CUX1: variants seen among roughly 807,000 people sequenced by gnomAD.
The protein encoded by CUX1 is protein CASP.
A neutral mutation model predicts 158.8 loss-of-function variants in CUX1; 31 were observed. The ratio of observed to expected loss-of-function variants is 0.20; its 90% CI spans 0.15 to 0.26. The LOEUF (loss-of-function observed/expected upper bound fraction) is 0.26, where lower values mean the gene tolerates loss of function less well. Ranked by LOEUF, CUX1 falls within the 10% of genes least tolerant of loss-of-function variation. CUX1 has a pLI of 1.00. For missense variants in CUX1, 1,589 were observed against 2,014.6 expected, an observed-to-expected ratio of 0.79 and a Z score of 4.04; for synonymous variants, 879 against 862.1, an observed-to-expected ratio of 1.02 and a Z score of -0.34.
chr7:101,843,703 G>T (rs1795397098), intron 1 of CUX1, among the ~76,000 whole-genome samples: 1 of 152,080 alleles, frequency 6.6e-6, no homozygotes, highest in African/African-American at 2.4e-5. Context: ...CAAGTTAAGT[G>T]ATAGGGACCT....
intron 1 of CUX1, among the ~76,000 whole-genome samples, chr7:101,910,510 C>T (rs1281791611): frequency 6.6e-6 from 1 of 152,078 alleles, no homozygotes; most frequent in Non-Finnish European, 1.5e-5. Context: ...TAATTCCGCA[C>T]TTTGGCAGGC....
chr7:101,930,299 A>G (rs1449216665), intron 2 of CUX1, among the ~76,000 whole-genome samples: 1 of 152,210 alleles, frequency 6.6e-6, no homozygotes, highest in Non-Finnish European at 1.5e-5. Flanking sequence ...AGGAAGGAAC[A>G]TATCGTTATA....
intron 9 of CUX1, among the ~76,000 whole-genome samples, chr7:102,165,411 G>T (rs1326839056): frequency 6.9e-6 from 1 of 145,182 alleles, no homozygotes; most frequent in Non-Finnish European, 1.5e-5. Flanking sequence ...GGAGTTCAGT[G>T]GCGTGATCTT....
In CUX1 at chr7:102,097,384, C is replaced by T; in HGVS notation, c.289C>T (p.Leu97Phe). 6.2e-7 allele frequency: 1 copy of T among 1,609,028 alleles called. No homozygotes were observed. The highest frequency in any genetic ancestry group is 8.5e-7 in the Non-Finnish European group (1 of 1,178,936). ...TGCAGATCCCGTACCAGCTTTGGAT[C>T]TCGGACAGCAACTCCAGCTCAAAGT... ...DVPDPVPALDLGQQLQLKVQR... is the reference protein window; with the variant it reads ...DVPDPVPALDFGQQLQLKVQR... Residue 97 changes from leucine to phenylalanine, a missense_variant, in exon 5 of 24, where the codon CTC becomes TTC. Leu to Phe is a conservative substitution (Grantham distance 22). Coordinates refer to ENST00000292535, the MANE Select transcript of CUX1 (RefSeq NM_181552.4).
intron 23 of CUX1, among the ~76,000 whole-genome samples, chr7:102,241,024 T>C (rs1800148473): frequency 6.6e-6 from 1 of 152,168 alleles, no homozygotes; most frequent in Non-Finnish European, 1.5e-5. Flanking sequence ...TTCATCATAT[T>C]GGCCAGGCTG....
At chr7:102,017,582 C>A (rs13233554) in intron 2 of CUX1, among the ~76,000 whole-genome samples, 57,919 of 152,062 alleles carry the variant, frequency 0.38, 12,441 homozygotes, top group East Asian at 0.96. Context: ...TGCGGTGGCT[C>A]ACGCCTGTAA....
At chr7:102,211,641 C>T (rs938590854) in intron 20 of CUX1, among the ~76,000 whole-genome samples, 1 of 151,804 alleles carries the variant, frequency 6.6e-6, no homozygotes, top group Non-Finnish European at 1.5e-5. Context: ...ATTAGCCAGG[C>T]GTGGTGGTGC....
intron 2 of CUX1, among the ~76,000 whole-genome samples, chr7:102,012,705 CG>C (rs145520606): frequency 0.4 from 50,804 of 127,818 alleles, 9,586 homozygotes; most frequent in Non-Finnish European, 0.45. Flanking sequence ...AGAGTGGGGG[CG>C]GGGGGAGGGG....
At chr7:102,231,292 A>G (rs1798958737) in intron 21 of CUX1, among the ~76,000 whole-genome samples, 1 of 151,192 alleles carries the variant, frequency 6.6e-6, no homozygotes, top group African/African-American at 2.4e-5. Flanking sequence ...AACCTCCCAA[A>G]GTGCTGGGAT....
chr7:101,826,534 T>G (rs1317146129), intron 1 of CUX1, among the ~76,000 whole-genome samples: 1 of 152,194 alleles, frequency 6.6e-6, no homozygotes. Context: ...CTTTTTCTTT[T>G]GCCCCTGTGT....
chr7:102,184,426 C>T (rs1031294273), intron 11 of CUX1, among the ~76,000 whole-genome samples: 1 of 152,152 alleles, frequency 6.6e-6, no homozygotes, highest in Non-Finnish European at 1.5e-5. Flanking sequence ...GTTTGATTGG[C>T]ACTTGATCAT....
intron 2 of CUX1, among the ~76,000 whole-genome samples, chr7:101,963,638 A>G (rs373966306): frequency 4.7e-4 from 71 of 152,224 alleles, no homozygotes; most frequent in African/African-American, 1.6e-3. Flanking sequence ...GTACCTGTCA[A>G]CACAAGCCTA....
intron 8 of CUX1, among the ~76,000 whole-genome samples, 161 bp from the exon 9 acceptor site, chr7:102,158,399 A>C (rs782807204): frequency 6.6e-6 from 1 of 151,986 alleles, no homozygotes. Flanking sequence ...CAGCAAGCAC[A>C]TCTCTTCCCC....
chr7:101,934,009 T>C (rs1806613317), intron 2 of CUX1, among the ~76,000 whole-genome samples: 1 of 152,234 alleles, frequency 6.6e-6, no homozygotes, highest in South Asian at 2.1e-4. Context: ...TTGATCATTT[T>C]CTCTTCCCCT....
intron 11 of CUX1, among the ~76,000 whole-genome samples, chr7:102,182,068 C>CG (rs1232455858): frequency 2.6e-5 from 4 of 152,158 alleles, no homozygotes; most frequent in African/African-American, 9.7e-5. Flanking sequence ...TCATGTCTTA[C>CG]GGGGGACCCT....
chr7:102,167,547 T>C (rs1791186945), intron 9 of CUX1, among the ~76,000 whole-genome samples: 1 of 152,192 alleles, frequency 6.6e-6, no homozygotes, highest in African/African-American at 2.4e-5. Context: ...CCAGAACAGC[T>C]TCTCCACTAG....
At chr7:102,211,778 TAAAAA>T (rs66627422) in intron 20 of CUX1, among the ~76,000 whole-genome samples, 2 of 77,478 alleles carry the variant, frequency 2.6e-5, no homozygotes, top group Admixed American at 1.5e-4. Context: ...AAACTCCATC[TAAAAA>T]AAAAAAAAAA....
At chr7:102,176,518 C>T (rs1554512033) in intron 10 of CUX1, among the ~76,000 whole-genome samples, 2 of 151,108 alleles carry the variant, frequency 1.3e-5, no homozygotes, top group African/African-American at 2.4e-5. Context: ...TGCATCTGCC[C>T]TGCAGAAAAT....
At chr7:101,861,829 A>G (rs998970501) in intron 1 of CUX1, among the ~76,000 whole-genome samples, 6 of 150,284 alleles carry the variant, frequency 4.0e-5, no homozygotes, top group African/African-American at 1.5e-4. Flanking sequence ...CGGTGGCACG[A>G]TCTCGGCTTA....
Sources: gnomAD v4.1 joint callset for allele counts (sites outside exome capture counted in the v4.1 genomes callset) on GRCh38, gnomAD v4.1.1 for gene constraint, MANE v1.5 for transcripts, NCBI Gene and HGNC (gene_info 2026-07-23, HGNC 2026-07-21) for gene names.